ST3GAL3: variants seen among roughly 807,000 people sequenced by gnomAD.
ST3GAL3 encodes CMP-N-acetylneuraminate-beta-1,4-galactoside alpha-2,3-sialyltransferase.
A neutral mutation model predicts 50.1 loss-of-function variants in ST3GAL3; 21 were observed. The observed-to-expected ratio is 0.42, with a 90% CI of 0.30 to 0.60. ST3GAL3 has a LOEUF of 0.60. ST3GAL3 is among the 20% of genes least tolerant of loss of function. The probability of loss-of-function intolerance (pLI) is 0.19; values close to 1 mark genes in which losing one functional copy is unlikely to be tolerated. For missense variants in ST3GAL3, 353 were observed against 489.4 expected (o/e 0.72, Z 2.63); for synonymous variants, 183 against 190.0 (o/e 0.96, Z 0.30).
intron 7 of ST3GAL3, among the ~76,000 whole-genome samples, chr1:43,898,726 C>G (rs2077763685): frequency 6.6e-6 from 1 of 152,178 alleles, no homozygotes; most frequent in African/African-American, 2.4e-5. Context: ...TCTCTAGTGG[C>G]TGCTGGGAGC....
At chr1:43,792,671 T>A (rs533808513) in intron 3 of ST3GAL3, among the ~76,000 whole-genome samples, 3 of 152,144 alleles carry the variant, frequency 2.0e-5, no homozygotes, top group Non-Finnish European at 4.4e-5. Context: ...CCAAAATGCA[T>A]GTAGGTGGAC....
intron 3 of ST3GAL3, among the ~76,000 whole-genome samples, chr1:43,806,311 C>G (rs1220106062): frequency 6.6e-6 from 1 of 152,126 alleles, no homozygotes; most frequent in African/African-American, 2.4e-5. Context: ...GAAATGTCAC[C>G]TGCAGTAGCT....
At chr1:43,714,131 G>A (rs941090504) in intron 1 of ST3GAL3, among the ~76,000 whole-genome samples, 3 of 151,760 alleles carry the variant, frequency 2.0e-5, no homozygotes, top group African/African-American at 7.3e-5. Flanking sequence ...GGGCATGGTG[G>A]CAGGCGCCTG....
At chr1:43,834,907 C>T (rs2064082805) in intron 4 of ST3GAL3, among the ~76,000 whole-genome samples, 1 of 152,200 alleles carries the variant, frequency 6.6e-6, no homozygotes. Context: ...GATTCCAGAT[C>T]TGATGCTTTT....
At chr1:43,810,009 A>G (rs891183492) in intron 3 of ST3GAL3, among the ~76,000 whole-genome samples, 6 of 146,316 alleles carry the variant, frequency 4.1e-5, no homozygotes, top group African/African-American at 1.5e-4. Flanking sequence ...AAAAAAAAAA[A>G]GAAAGAAAGA....
chr1:43,901,523 G>T (rs778266353), intron 9 of ST3GAL3, among the ~76,000 whole-genome samples: 2 of 152,206 alleles, frequency 1.3e-5, no homozygotes, highest in Non-Finnish European at 2.9e-5. Flanking sequence ...TCATCCAAGG[G>T]AGTAAGGAAA....
At chr1:43,718,152 C>T (rs962387767) in intron 1 of ST3GAL3, among the ~76,000 whole-genome samples, 2 of 145,278 alleles carry the variant, frequency 1.4e-5, no homozygotes, top group Non-Finnish European at 3.0e-5. Context: ...GGATTAGAGG[C>T]GTGAACCACC....
intron 3 of ST3GAL3, among the ~76,000 whole-genome samples, chr1:43,796,818 G>C (rs780689738): frequency 2.0e-5 from 3 of 152,202 alleles, no homozygotes; most frequent in African/African-American, 7.2e-5. Context: ...TTTTTAAACA[G>C]CTATGATAAA....
intron 2 of ST3GAL3, among the ~76,000 whole-genome samples, chr1:43,759,063 G>GCACACACACACACA (rs775153049): frequency 2.3e-5 from 3 of 132,338 alleles, no homozygotes; most frequent in African/African-American, 9.8e-5. Context: ...ACAAAAGCGC[G>GCACACACACACACA]CGCACACACA....
At chr1:43,733,921 A>G (rs914952898) in intron 1 of ST3GAL3, among the ~76,000 whole-genome samples, 3 of 152,340 alleles carry the variant, frequency 2.0e-5, no homozygotes, top group Admixed American at 1.3e-4. Flanking sequence ...CATCCTGGCC[A>G]ACATGGTGAA....
chr1:43,757,588 A>C (rs1166683857), intron 2 of ST3GAL3, among the ~76,000 whole-genome samples: 1 of 152,228 alleles, frequency 6.6e-6, no homozygotes, highest in East Asian at 1.9e-4. Context: ...CTGGTTGCAC[A>C]AAAACAAACA....
intron 9 of ST3GAL3, among the ~76,000 whole-genome samples, chr1:43,911,619 A>G (rs2080898991): frequency 1.5e-5 from 2 of 134,368 alleles, no homozygotes; most frequent in African/African-American, 2.8e-5. Flanking sequence ...ATCTACAGAT[A>G]TATCTATAGA....
chr1:43,807,069 A>C (rs921085354), intron 3 of ST3GAL3, among the ~76,000 whole-genome samples: 5 of 152,232 alleles, frequency 3.3e-5, no homozygotes, highest in Non-Finnish European at 5.9e-5. Flanking sequence ...AAGATAAAAC[A>C]GTTCAGCCTC....
intron 2 of ST3GAL3, among the ~76,000 whole-genome samples, chr1:43,780,956 C>T (rs1045024696): frequency 6.6e-6 from 1 of 152,140 alleles, no homozygotes; most frequent in Admixed American, 6.5e-5. Context: ...ATTTAGAAAC[C>T]GGGAATCTTG....
At chr1:43,719,977 C>G (rs1189793017) in intron 1 of ST3GAL3, among the ~76,000 whole-genome samples, 1 of 144,150 alleles carries the variant, frequency 6.9e-6, no homozygotes, top group African/African-American at 2.5e-5. Flanking sequence ...TAAGCAGTGG[C>G]TCACACCTAT....
At position 43,736,008 on chromosome 1, in the gene ST3GAL3, T is replaced by TG. The variant is rs941542466; in HGVS notation, c.-30-221dup. 1.5e-3 allele frequency among the ~76,000 whole-genome samples: 221 copies of TG among 152,268 alleles called. 1 individual carries two copies. Among genetic ancestry groups the TG allele is most frequent in the Non-Finnish European group, 5.9e-4 (40 of 68,000 alleles). On this transcript the variant is annotated intron_variant, in intron 1 of 11. Transcript: ENST00000347631. ...TAGTCAGGGACTGGATGTCGGCGGC[T>TG]GGGGTGGGGAAGCAAAGATGATTGC...
At chr1:43,805,811 C>T (rs541219922) in intron 3 of ST3GAL3, among the ~76,000 whole-genome samples, 19 of 152,272 alleles carry the variant, frequency 1.2e-4, no homozygotes, top group African/African-American at 2.6e-4. Context: ...TCTCGGCTCA[C>T]GGTAACCTCC....
chr1:43,927,302 G>C (rs2084172648), intron 11 of ST3GAL3, among the ~76,000 whole-genome samples: 1 of 152,184 alleles, frequency 6.6e-6, no homozygotes, highest in Non-Finnish European at 1.5e-5. Context: ...TCCAGCCTGG[G>C]CAACAAGAGT....
intron 1 of ST3GAL3, among the ~76,000 whole-genome samples, chr1:43,711,143 G>A (rs922112334): frequency 3.9e-5 from 6 of 152,214 alleles, no homozygotes; most frequent in Non-Finnish European, 5.9e-5. Context: ...GGATTAGGCT[G>A]CACTAACAAA....
Sources: allele counts gnomAD v4.1 joint callset (sites outside exome capture counted in the v4.1 genomes callset), GRCh38; gene constraint gnomAD v4.1.1; transcripts MANE v1.5; gene names NCBI Gene and HGNC (gene_info 2026-07-23, HGNC 2026-07-21).